The following ST6GALNAC5 variants were observed in gnomAD, a reference collection of about 807,000 sequenced individuals.
ST6GALNAC5 encodes ST6 N-acetylgalactosaminide alpha-2,6-sialyltransferase 5, also known as alpha-N-acetylgalactosaminide alpha-2,6-sialyltransferase 5.
ST6GALNAC5 carries 27 observed loss-of-function variants against 33.6 expected under a neutral mutation model. The observed-to-expected ratio is 0.80, with a 90% CI of 0.59 to 1.11. ST6GALNAC5 has a LOEUF of 1.11. Among genes scored for constraint, ST6GALNAC5 ranks in the 50% least tolerant of loss-of-function variants. The probability of loss-of-function intolerance (pLI) is 0.00; values close to 1 mark genes in which losing one functional copy is unlikely to be tolerated. For missense variants in ST6GALNAC5, 428 were observed against 454.0 expected, an observed-to-expected ratio of 0.94 and a Z score of 0.52; for synonymous variants, 194 against 171.2, an observed-to-expected ratio of 1.13 and a Z score of -1.04.
intron 2 of ST6GALNAC5, among the ~76,000 whole-genome samples, chr1:77,019,441 AT>A (rs1650973685): frequency 6.6e-6 from 1 of 152,112 alleles, no homozygotes; most frequent in Non-Finnish European, 1.5e-5. Context: ...GCAAAATCTC[AT>A]GCATTCTCAC....
intron 2 of ST6GALNAC5, among the ~76,000 whole-genome samples, chr1:77,026,808 TGAA>T (rs1651255884): frequency 6.6e-6 from 1 of 151,778 alleles, no homozygotes; most frequent in Non-Finnish European, 1.5e-5. Context: ...AATGAATGAA[TGAA>T]TGAATGAATG....
chr1:77,043,354 G>A (rs1195347167), intron 2 of ST6GALNAC5, among the ~76,000 whole-genome samples: 1 of 152,254 alleles, frequency 6.6e-6, no homozygotes, highest in Non-Finnish European at 1.5e-5. Context: ...GCATTGAACT[G>A]AGTGCTGCCA....
intron 2 of ST6GALNAC5, among the ~76,000 whole-genome samples, chr1:76,962,943 T>A (rs1016254749): frequency 2.6e-5 from 4 of 152,234 alleles, no homozygotes; most frequent in Middle Eastern, 3.2e-3. Context: ...TGACTTTTTT[T>A]ATAGAGTTGT....
chr1:76,914,015 G>A (rs548764205), intron 2 of ST6GALNAC5, among the ~76,000 whole-genome samples: 2 of 152,238 alleles, frequency 1.3e-5, no homozygotes, highest in South Asian at 4.1e-4. Context: ...CAAAATCAAT[G>A]TACAAAAATC....
At chr1:76,982,685 A>C (rs927023191) in intron 2 of ST6GALNAC5, among the ~76,000 whole-genome samples, 2 of 152,102 alleles carry the variant, frequency 1.3e-5, no homozygotes, top group African/African-American at 4.8e-5. Flanking sequence ...ATTCCTTAAG[A>C]AGAGCAACCC....
chr1:76,870,195 T>C (rs1029880867), intron 2 of ST6GALNAC5, among the ~76,000 whole-genome samples: 1 of 152,260 alleles, frequency 6.6e-6, no homozygotes, highest in Non-Finnish European at 1.5e-5. Context: ...ATTGATTACA[T>C]GCTTTGTATC....
intron 2 of ST6GALNAC5, among the ~76,000 whole-genome samples, chr1:77,020,182 G>T (rs1306445472): frequency 1.3e-5 from 2 of 152,144 alleles, no homozygotes; most frequent in African/African-American, 2.4e-5. Context: ...TCTTTATGAG[G>T]TATATGAAGA....
At position 77,063,224 on chromosome 1, in the gene ST6GALNAC5, CTG is replaced by C; in HGVS notation, c.*20_*21del. The C allele has an allele frequency of 1.2e-6, 2 of 1,606,976 alleles. No homozygotes were observed. The highest frequency in any genetic ancestry group is 2.2e-5 in the East Asian group (1 of 44,818). Reference sequence around the variant, plus strand: ...TGTTCTAAGGAATGAGCATGCCAGACTGTAATCCCAGGTATTCACTGCATCAG... The same window carrying C: ...TGTTCTAAGGAATGAGCATGCCAGACTAATCCCAGGTATTCACTGCATCAG... On this transcript the variant is annotated 3_prime_UTR_variant, in exon 5 of 5. Coordinates refer to ENST00000477717, the MANE Select transcript of ST6GALNAC5 (RefSeq NM_030965.3).
At chr1:76,906,929 C>T (rs948082014) in intron 2 of ST6GALNAC5, among the ~76,000 whole-genome samples, 7 of 152,110 alleles carry the variant, frequency 4.6e-5, no homozygotes, top group African/African-American at 7.2e-5. Context: ...TATTAATCAT[C>T]GTTAAGCCAG....
chr1:76,978,584 C>T (rs141207848), intron 2 of ST6GALNAC5, among the ~76,000 whole-genome samples: 33 of 152,228 alleles, frequency 2.2e-4, no homozygotes, highest in African/African-American at 3.6e-4. Flanking sequence ...CGTCCTTTAA[C>T]GACAAAAACT....
chr1:77,003,653 C>T (rs1373762695), intron 2 of ST6GALNAC5, among the ~76,000 whole-genome samples: 5 of 151,778 alleles, frequency 3.3e-5, no homozygotes, highest in South Asian at 2.1e-4. Context: ...CCATGTTTAG[C>T]GCTTCCTTCA....
chr1:76,932,822 T>A (rs986483853), intron 2 of ST6GALNAC5, among the ~76,000 whole-genome samples: 2 of 152,000 alleles, frequency 1.3e-5, no homozygotes, highest in Non-Finnish European at 2.9e-5. Flanking sequence ...GAAGAAAAAA[T>A]TAGGATTAGT....
intron 2 of ST6GALNAC5, among the ~76,000 whole-genome samples, chr1:77,016,276 C>T (rs548883273): frequency 7.4e-6 from 1 of 134,956 alleles, no homozygotes; most frequent in African/African-American, 2.8e-5. Flanking sequence ...GTATCTCCTC[C>T]CCCTCATCCT....
Position 76,868,876 on chromosome 1 carries a change from G to A in ST6GALNAC5, c.261+134G>A, listed in dbSNP as rs1570622935. ...AGGCTGGAGGGGAGTGGACCCGCTG[G>A]GGTAGGGTGGGCTAGTTCCAACTTG... On this transcript the variant is annotated intron_variant, in intron 2 of 4. Transcript: ENST00000477717. This position sits in a 1 kb window ranked among gnomAD's most constrained non-coding sequence, Gnocchi z 4.3. The A allele has an allele frequency of 7.4e-7, 1 of 1,356,412 alleles. No homozygotes were observed. The allele number at this position is 1,356,412 out of a possible 1,614,324, so 84.0% of individuals were successfully genotyped here.
rs1248155478 is a variant in ST6GALNAC5 at position 77,049,503 on chromosome 1, T to C, written c.672-755T>C. Among the ~76,000 whole-genome samples the C allele has an allele frequency of 2.0e-5, 3 of 152,168 alleles. No homozygotes were observed. The East Asian group carries it at 5.8e-4, about 29-fold the overall frequency. ...TTATGTCTCCACAGTTATCCTAAGG[T>C]GTAGCATATGGTAGAAGCTCATTAC... is the stretch of plus-strand genomic sequence containing the variant. On this transcript the variant is annotated intron_variant, in intron 3 of 4. Coordinates refer to ENST00000477717, the MANE Select transcript of ST6GALNAC5 (RefSeq NM_030965.3).
intron 2 of ST6GALNAC5, among the ~76,000 whole-genome samples, chr1:76,886,842 G>A (rs1329022489): frequency 6.6e-6 from 1 of 152,108 alleles, no homozygotes; most frequent in African/African-American, 2.4e-5. Flanking sequence ...TTAGCATAAT[G>A]TTTTTTAAGG....
intron 2 of ST6GALNAC5, among the ~76,000 whole-genome samples, chr1:76,905,564 A>T (rs1646856978): frequency 6.6e-6 from 1 of 152,202 alleles, no homozygotes; most frequent in South Asian, 2.1e-4. Context: ...AAGGAAAATA[A>T]TTTTTAACTA....
intron 2 of ST6GALNAC5, among the ~76,000 whole-genome samples, chr1:76,972,719 C>T (rs1169002627): frequency 2.0e-5 from 3 of 152,080 alleles, no homozygotes; most frequent in Non-Finnish European, 4.4e-5. Flanking sequence ...CAAGCAGGTG[C>T]ATCTGTCATC....
chr1:76,999,211 C>T (rs1362578669), intron 2 of ST6GALNAC5, among the ~76,000 whole-genome samples: 2 of 152,092 alleles, frequency 1.3e-5, no homozygotes, highest in African/African-American at 2.4e-5. Flanking sequence ...TGTGTTTTAT[C>T]TGAAATCTGG....
Sources: gnomAD v4.1 joint callset for allele counts (sites outside exome capture counted in the v4.1 genomes callset) on GRCh38, gnomAD v4.1.1 for gene constraint, Gnocchi (gnomAD v3.1) non-coding constraint, MANE v1.5 for transcripts, NCBI Gene and HGNC (gene_info 2026-07-23, HGNC 2026-07-21) for gene names.